SEPTIN9: variants seen among roughly 807,000 people sequenced by gnomAD.
SEPTIN9 encodes the protein septin-9.
In SEPTIN9, 13 loss-of-function variants were observed where a neutral mutation model predicts 56.6. The ratio of observed to expected loss-of-function variants is 0.23; its 90% CI spans 0.15 to 0.37. The LOEUF (loss-of-function observed/expected upper bound fraction) is 0.37, where lower values mean the gene tolerates loss of function less well. SEPTIN9 is among the 10% of genes least tolerant of loss of function. The pLI is 1.00. For synonymous variants in SEPTIN9, 332 were observed against 334.1 expected, an observed-to-expected ratio of 0.99 and a Z score of 0.07; for missense variants, 650 against 823.1, an observed-to-expected ratio of 0.79 and a Z score of 2.57.
At position 77,371,872 on chromosome 17, in the gene SEPTIN9, A is replaced by C. The variant is rs2034729531; in HGVS notation, c.77-30187A>C. Among the ~76,000 whole-genome samples, 1 of 152,168 alleles carries C rather than the reference A, an allele frequency of 6.6e-6. No individual in the cohort carries two copies. The highest frequency in any genetic ancestry group is 2.1e-4 in the South Asian group (1 of 4,828). On this transcript the variant is annotated intron_variant, in intron 2 of 11. Coordinates refer to ENST00000427177, the MANE Select transcript of SEPTIN9 (RefSeq NM_001113491.2). The surrounding 1 kb of genome is among the most constrained non-coding windows in gnomAD (Gnocchi z 4.1). ...GGGAGGGAGTGCCTGCTTTTCTTAA[A>C]AAGGAAGGACTTGATTTCATCTACT...
Position 77,329,645 on chromosome 17 carries a change from G to GCAGGGACA in SEPTIN9, c.76+22448_76+22449insCAGGGACA, listed in dbSNP as rs2033272374. Among the ~76,000 whole-genome samples, 2 of 152,124 alleles carry GCAGGGACA rather than the reference G, an allele frequency of 1.3e-5. No homozygotes were observed. Among genetic ancestry groups the GCAGGGACA allele is most frequent in the Non-Finnish European group, 2.9e-5 (2 of 68,014 alleles). On this transcript the variant is annotated intron_variant, in intron 2 of 11. Coordinates refer to ENST00000427177, the MANE Select transcript of SEPTIN9 (RefSeq NM_001113491.2). This position sits in a 1 kb window ranked among gnomAD's most constrained non-coding sequence, Gnocchi z 4.3. The stretch of plus-strand genomic sequence containing the variant: ...CTGGGCAGGGACATGGTGAGCCCTG[G>GCAGGGACA]TGTGATGCACTTAACACCTGCTGGT...
At chr17:77,494,295 C>G (rs905912026) in intron 10 of SEPTIN9, among the ~76,000 whole-genome samples, 3 of 152,236 alleles carry the variant, frequency 2.0e-5, no homozygotes, top group African/African-American at 7.2e-5. Context: ...GCGGTGACAC[C>G]CCGGGAGGGA....
intron 2 of SEPTIN9, among the ~76,000 whole-genome samples, chr17:77,355,268 G>C (rs1296103332): frequency 6.6e-6 from 1 of 152,170 alleles, no homozygotes; most frequent in African/African-American, 2.4e-5. Context: ...CACCTTGAAT[G>C]GTGTCTGCGC....
In SEPTIN9 at chr17:77,425,555, C is replaced by T. The variant is rs1192477798; in HGVS notation, c.721+22852C>T. ...TGCAGCTGAGCTGGCGGGCCTCGCA[C>T]ACCCCCAAGGCCGCCTGACTTCCAG... On this transcript the variant is annotated intron_variant, in intron 3 of 11. Transcript: ENST00000427177. The surrounding 1 kb of genome is among the most constrained non-coding windows in gnomAD (Gnocchi z 4.2). 6.6e-6 allele frequency among the ~76,000 whole-genome samples: 1 copy of T among 152,194 alleles called. No individual in the cohort carries two copies. Among genetic ancestry groups the T allele is most frequent in the African/African-American group, 2.4e-5 (1 of 41,452 alleles).
intron 3 of SEPTIN9, among the ~76,000 whole-genome samples, chr17:77,427,924 C>T (rs918522622): frequency 3.3e-5 from 5 of 152,186 alleles, no homozygotes; most frequent in Admixed American, 1.3e-4. Context: ...CTGATCCACT[C>T]GGGTCTGTTT....
chr17:77,320,316 T>C (rs2032864168), intron 2 of SEPTIN9: 2 of 1,612,948 alleles, frequency 1.2e-6, no homozygotes, highest in Non-Finnish European at 8.5e-7. Context: ...CTGCTAAATA[T>C]ATCCGTAGGA....
chr17:77,310,313 G>A lies in SEPTIN9; in HGVS notation c.76+3116G>A, dbSNP rs557298754. ...CCTCTTGCATACGGTCATCAGCATCGTGTGACTGAGCAGCCTAGGTCTGTC... is the reference window on the plus strand; with the variant it reads ...CCTCTTGCATACGGTCATCAGCATCATGTGACTGAGCAGCCTAGGTCTGTC... On this transcript the variant is annotated intron_variant, in intron 2 of 11. Coordinates refer to ENST00000427177, the MANE Select transcript of SEPTIN9 (RefSeq NM_001113491.2). The surrounding 1 kb of genome is among the most constrained non-coding windows in gnomAD (Gnocchi z 4.7). Among the ~76,000 whole-genome samples the A allele has an allele frequency of 3.3e-5, 5 of 152,214 alleles. No homozygotes were observed. Among genetic ancestry groups the A allele is most frequent in the East Asian group, 3.9e-4 (2 of 5,174 alleles).
At chr17:77,352,633 T>A (rs1302015570) in intron 2 of SEPTIN9, among the ~76,000 whole-genome samples, 2 of 152,104 alleles carry the variant, frequency 1.3e-5, no homozygotes, top group Non-Finnish European at 2.9e-5. Context: ...TGTCTCTTCT[T>A]GTGTCTCTGT....
intron 3 of SEPTIN9, among the ~76,000 whole-genome samples, chr17:77,403,749 GCTT>G (rs1425359188): frequency 1.3e-5 from 2 of 152,214 alleles, no homozygotes; most frequent in South Asian, 2.1e-4. Flanking sequence ...TTTAGCTGCT[GCTT>G]CTTATTTCTA....
intron 2 of SEPTIN9, among the ~76,000 whole-genome samples, chr17:77,362,201 TCCCTGCCCTG>T (rs140062045): frequency 6.6e-6 from 1 of 152,184 alleles, no homozygotes; most frequent in Non-Finnish European, 1.5e-5. Context: ...TCAGGCAGAT[TCCCTGCCCTG>T]CCCTGCCCTT....
rs1261273080 is a variant in SEPTIN9 at position 77,435,391 on chromosome 17, T to C, written c.721+32688T>C. 6.6e-6 allele frequency among the ~76,000 whole-genome samples: 1 copy of C among 152,180 alleles called. No homozygotes were observed. Among genetic ancestry groups the C allele is most frequent in the Non-Finnish European group, 1.5e-5 (1 of 68,016 alleles). On this transcript the variant is annotated intron_variant, in intron 3 of 11. Coordinates refer to ENST00000427177, the MANE Select transcript of SEPTIN9 (RefSeq NM_001113491.2). This position sits in a 1 kb window ranked among gnomAD's most constrained non-coding sequence, Gnocchi z 4.5. ...TGATTCTGTGGCTTCTTGAGGTGGC[T>C]CACCCCTAAACACGCCCCCCATGGT...
At position 77,323,235 on chromosome 17, in the gene SEPTIN9, G is replaced by A. The variant is rs984449433; in HGVS notation, c.76+16038G>A. Among the ~76,000 whole-genome samples the A allele has an allele frequency of 8.5e-5, 13 of 152,178 alleles. No individual in the cohort carries two copies. The highest frequency in any genetic ancestry group is 1.5e-4 in the Non-Finnish European group (10 of 68,018). ...AAGGTGCTGGAGGGTTTGTCAGCAG[G>A]GCCGGCATGAGTCATGGAGTGGTGA... On this transcript the variant is annotated intron_variant, in intron 2 of 11. Coordinates refer to ENST00000427177, the MANE Select transcript of SEPTIN9 (RefSeq NM_001113491.2). This position sits in a 1 kb window ranked among gnomAD's most constrained non-coding sequence, Gnocchi z 6.8.
intron 3 of SEPTIN9, among the ~76,000 whole-genome samples, chr17:77,431,623 G>GT (rs1352318484): frequency 1.3e-5 from 2 of 152,010 alleles, no homozygotes; most frequent in Non-Finnish European, 2.9e-5. Context: ...GAGCCCACGA[G>GT]TTTGAGACCA....
chr17:77,456,100 G>T lies in SEPTIN9; in HGVS notation c.722-26044G>T, dbSNP rs2038190061. Reference sequence around the variant, plus strand: ...GGGGCCGGAGGAAACACTGCCCGTGGCCGGTGTCATCTGCCAGCCCTGAAG... The same window carrying T: ...GGGGCCGGAGGAAACACTGCCCGTGTCCGGTGTCATCTGCCAGCCCTGAAG... On this transcript the variant is annotated intron_variant, in intron 3 of 11. Transcript: ENST00000427177. The surrounding 1 kb of genome is among the most constrained non-coding windows in gnomAD (Gnocchi z 6.0). 6.6e-6 allele frequency among the ~76,000 whole-genome samples: 1 copy of T among 151,668 alleles called. No homozygotes were observed. Among genetic ancestry groups the T allele is most frequent in the African/African-American group, 2.4e-5 (1 of 41,232 alleles).
In SEPTIN9 at chr17:77,475,303, G is replaced by C; in HGVS notation, c.722-6841G>C. 7.0e-7 allele frequency: 1 copy of C among 1,422,296 alleles called. No homozygotes were observed. The highest frequency in any genetic ancestry group is 9.1e-7 in the Non-Finnish European group (1 of 1,093,090). 88.1% of individuals were successfully genotyped at this position (1,422,296 alleles called of 1,614,324 possible). On this transcript the variant is annotated intron_variant, in intron 3 of 11. Coordinates refer to ENST00000427177, the MANE Select transcript of SEPTIN9 (RefSeq NM_001113491.2). The surrounding 1 kb of genome is among the most constrained non-coding windows in gnomAD (Gnocchi z 4.6). ...AGCAGGCTCTGTGTGGGAGCGGGGAGGGCAAGCCCTGGTTGCGAGGCAGGG... is the reference window on the plus strand; with the variant it reads ...AGCAGGCTCTGTGTGGGAGCGGGGACGGCAAGCCCTGGTTGCGAGGCAGGG...
intron 3 of SEPTIN9, among the ~76,000 whole-genome samples, chr17:77,443,798 AAAAAAAAAG>A (rs1408391985): frequency 9.9e-5 from 15 of 151,584 alleles, no homozygotes; most frequent in East Asian, 9.7e-4. Flanking sequence ...ACTCCGTCTC[AAAAAAAAAG>A]AAAAAAAAGA....
rs9915843 is a variant in SEPTIN9, at chr17:77,450,443, C to G, written c.722-31701C>G. The stretch of plus-strand genomic sequence containing the variant: ...TTCTTTCCATTTGAGTGAATCCCTC[C>G]CAGCCCCCAGCAAGCCCTCGGAACG... On this transcript the variant is annotated intron_variant, in intron 3 of 11. Transcript: ENST00000427177. The surrounding 1 kb of genome is among the most constrained non-coding windows in gnomAD (Gnocchi z 6.0). The G allele has an allele frequency of 3.5e-3, 3,419 of 978,934 alleles. 103 individuals carry two copies. In the African/African-American group the frequency reaches 0.054, roughly 15 times the overall value. 60.6% of individuals were successfully genotyped at this position (978,934 alleles called of 1,614,324 possible). A position where few individuals can be genotyped will look rare whatever the true frequency, so the allele number is the denominator to read the frequency against.
At chr17:77,423,039 CT>C (rs901422731) in intron 3 of SEPTIN9, among the ~76,000 whole-genome samples, 1 of 151,564 alleles carries the variant, frequency 6.6e-6, no homozygotes, top group Non-Finnish European at 1.5e-5. Context: ...ATACCTGCAT[CT>C]TTTTTTTTCT....
chr17:77,400,998 G>A lies in SEPTIN9; in HGVS notation c.77-1061G>A, dbSNP rs1402755042. Among the ~76,000 whole-genome samples the A allele has an allele frequency of 6.6e-6, 1 of 152,152 alleles. No homozygotes were observed. Among genetic ancestry groups the A allele is most frequent in the Non-Finnish European group, 1.5e-5 (1 of 68,022 alleles). On this transcript the variant is annotated intron_variant, in intron 2 of 11. Transcript: ENST00000427177. This position sits in a 1 kb window ranked among gnomAD's most constrained non-coding sequence, Gnocchi z 4.1. ...AGCTGGTGGTTGGCATCACTGCACGGGCTTGTAGTAGTGGATGGGAAGATG... is the reference window on the plus strand; with the variant it reads ...AGCTGGTGGTTGGCATCACTGCACGAGCTTGTAGTAGTGGATGGGAAGATG...
Sources: allele counts gnomAD v4.1 joint callset (sites outside exome capture counted in the v4.1 genomes callset), GRCh38; gene constraint gnomAD v4.1.1; non-coding constraint Gnocchi (gnomAD v3.1); transcripts MANE v1.5; gene names NCBI Gene and HGNC (gene_info 2026-07-23, HGNC 2026-07-21).